USP39: variants seen among roughly 807,000 people sequenced by gnomAD.
USP39 encodes the protein ubiquitin carboxyl-terminal hydrolase 39.
A neutral mutation model predicts 66.4 loss-of-function variants in USP39; 38 were observed. The ratio of observed to expected loss-of-function variants is 0.57; its 90% CI spans 0.44 to 0.75. The LOEUF (loss-of-function observed/expected upper bound fraction) is 0.75. Ranked by LOEUF, USP39 falls within the 30% of genes least tolerant of loss-of-function variation. USP39 has a pLI of 0.00. For missense variants in USP39, 608 were observed against 714.4 expected (o/e 0.85, Z 1.70); for synonymous variants, 303 against 274.6 (o/e 1.10, Z -1.02).
chr2:85,611,538 G>A (rs766784204), upstream of USP39: 47 of 1,550,934 alleles, frequency 3.0e-5, no homozygotes, highest in South Asian at 5.0e-4. Context: ...GGAGCGCTGA[G>A]GTGGAGGTTC....
chr2:85,616,114 C>T (rs887507014), upstream of USP39: 7 of 1,373,604 alleles, frequency 5.1e-6, 1 homozygote, highest in South Asian at 1.3e-4. Flanking sequence ...GGGCTCGCTA[C>T]CAGCCCCTCT....
chr2:85,633,578 T>C lies in USP39; in HGVS notation c.950-2475T>C, dbSNP rs1017269091. On this transcript the variant is annotated intron_variant, in intron 6 of 12. Transcript: ENST00000323701. ...TGAGCCCAGGAGTTAGAGACCATCC[T>C]GCGTGACATAGACCCTATATCTACA... 2.0e-5 allele frequency among the ~76,000 whole-genome samples: 3 copies of C among 152,104 alleles called. No individual in the cohort carries two copies. In the East Asian group the frequency reaches 5.8e-4, roughly 29 times the overall value.
upstream of USP39, chr2:85,609,190 T>C (rs930300552): frequency 2.9e-6 from 4 of 1,376,642 alleles, no homozygotes; most frequent in African/African-American, 1.4e-5. Flanking sequence ...CACCTGTCAT[T>C]TCCTATGTGT....
intron 9 of USP39, chr2:85,639,822 C>G (rs913656545): frequency 6.5e-6 from 1 of 153,754 alleles, no homozygotes; most frequent in Non-Finnish European, 1.4e-5. Flanking sequence ...TTTATTGAGC[C>G]TCCCAGACTC....
At chr2:85,637,788 C>T (rs576394016) in intron 8 of USP39, among the ~76,000 whole-genome samples, 49 of 152,256 alleles carry the variant, frequency 3.2e-4, no homozygotes, top group Non-Finnish European at 6.9e-4. Flanking sequence ...CCTCTACCTC[C>T]TGGGTTCAAG....
At chr2:85,609,116 A>T, upstream of USP39, 2 of 1,604,922 alleles carry the variant, frequency 1.2e-6, no homozygotes. Context: ...TCTTCCAGAA[A>T]GGTGACCTGC....
At chr2:85,641,234 C>T (rs1573445294) in intron 10 of USP39, 116 bp downstream of exon 10, 4 of 1,277,150 alleles carry the variant, frequency 3.1e-6, no homozygotes, top group South Asian at 1.3e-5. Flanking sequence ...GGAACAGAGC[C>T]TACCTACAGT....
intron 5 of USP39, among the ~76,000 whole-genome samples, chr2:85,625,966 C>A (rs1244016286): frequency 6.6e-6 from 1 of 151,754 alleles, no homozygotes; most frequent in African/African-American, 2.4e-5. Flanking sequence ...TATAGTGACC[C>A]GAGATCGCGC....
At position 85,616,380 on chromosome 2, in the gene USP39, C is replaced by G. The variant is rs745785307; in HGVS notation, c.185C>G (p.Ala62Gly). 6.2e-7 allele frequency: 1 copy of G among 1,601,800 alleles called. No individual in the cohort carries two copies. Among genetic ancestry groups the G allele is most frequent in the Non-Finnish European group, 8.5e-7 (1 of 1,174,508 alleles). Reference protein sequence around the residue: ...REFEPASAREAPASVVPFVRV... With the variant: ...REFEPASAREGPASVVPFVRV... Reference sequence around the variant, plus strand: ...TTCGAGCCGGCGAGCGCGCGCGAGGCCCCGGCTTCTGTTGTCCCGTTTGTG... The same window carrying G: ...TTCGAGCCGGCGAGCGCGCGCGAGGGCCCGGCTTCTGTTGTCCCGTTTGTG... The change falls in exon 1 of 13, where the codon GCC (alanine) becomes GGC (glycine). Residue 62 changes from alanine (A) to glycine (G), a missense_variant. Ala to Gly is a moderately conservative substitution (Grantham distance 60). Transcript: ENST00000323701.
chr2:85,637,424 C>G lies in USP39; in HGVS notation c.1083C>G (p.Pro361=). 3.7e-6 allele frequency: 6 copies of G among 1,614,154 alleles called. No homozygotes were observed. Among genetic ancestry groups the G allele is most frequent in the Non-Finnish European group, 5.1e-6 (6 of 1,180,030 alleles). The part of the protein sequence containing the change: ...GSMRIFTKKL[P]HPDLPAEEKE... ...TGAGGATCTTCACTAAAAAGCTTCC[C>G]CATCCTGATCTGGTGAGTTAATTGA... Residue 361 remains proline (P), a synonymous_variant, in exon 8 of 13, where the codon CCC becomes CCG. Transcript: ENST00000323701.
At chr2:85,619,348 T>C in intron 2 of USP39, 59 bp downstream of exon 2, 2 of 1,568,992 alleles carry the variant, frequency 1.3e-6, no homozygotes, top group Non-Finnish European at 1.7e-6. Context: ...TGCAGAAAGT[T>C]TTTGGACTGT....
chr2:85,611,859 G>GC, upstream of USP39: 1 of 1,599,046 alleles, frequency 6.3e-7, no homozygotes, highest in Non-Finnish European at 8.5e-7. Context: ...GGCGGCGGCG[G>GC]CGCAGGGCGG....
At chr2:85,628,901 G>A (rs1675090717) in intron 5 of USP39, among the ~76,000 whole-genome samples, 1 of 152,062 alleles carries the variant, frequency 6.6e-6, no homozygotes, top group South Asian at 2.1e-4. Context: ...GAGGTGCCTG[G>A]GTTATTACAT....
upstream of USP39, among the ~76,000 whole-genome samples, chr2:85,615,703 T>C (rs1308568776): frequency 1.3e-5 from 2 of 152,206 alleles, no homozygotes; most frequent in African/African-American, 4.8e-5. Flanking sequence ...CGATCTCGGC[T>C]CACCGCAACC....
chr2:85,617,958 CTT>C (rs34086230), intron 1 of USP39, among the ~76,000 whole-genome samples: 6 of 144,418 alleles, frequency 4.2e-5, no homozygotes, highest in African/African-American at 5.1e-5. Flanking sequence ...CATGTACATT[CTT>C]TTTTTTTTTT....
At chr2:85,609,290 A>T (rs1673351779), upstream of USP39, 1 of 1,324,792 alleles carries the variant, frequency 7.5e-7, no homozygotes, top group African/African-American at 1.5e-5. Flanking sequence ...AGTTGTGCTC[A>T]AAAGCACTGC....
In USP39 at chr2:85,649,217, C is replaced by T. The variant is rs1676881778; in HGVS notation, c.*409C>T. ...GCTCTGTTAGAGGTGGAGGATTTTCCTATGGTTCCCCCCATTTCCTGATTT... is the reference window on the plus strand; with the variant it reads ...GCTCTGTTAGAGGTGGAGGATTTTCTTATGGTTCCCCCCATTTCCTGATTT... On this transcript the variant is annotated 3_prime_UTR_variant, in exon 13 of 13. Coordinates refer to ENST00000323701, the MANE Select transcript of USP39 (RefSeq NM_006590.4). 6.1e-6 allele frequency: 1 copy of T among 164,406 alleles called. No individual in the cohort carries two copies. The highest frequency in any genetic ancestry group is 1.3e-5 in the Non-Finnish European group (1 of 76,384). 10.2% of individuals were successfully genotyped at this position (164,406 alleles called of 1,614,324 possible).
chr2:85,603,595 CTTTTTT>C (rs767019412), intron 1 of USP39, among the ~76,000 whole-genome samples: 9 of 143,096 alleles, frequency 6.3e-5, no homozygotes, highest in Non-Finnish European at 1.1e-4. Context: ...TTTTCTTTTT[CTTTTTT>C]TTTTTTTTGA....
intron 1 of USP39, among the ~76,000 whole-genome samples, 157 bp from the exon 2 acceptor site, chr2:85,619,063 G>A (rs542107491): frequency 3.3e-4 from 50 of 152,160 alleles, no homozygotes; most frequent in African/African-American, 1.2e-3. Flanking sequence ...GAGCTACCGC[G>A]CCCGGCTAGT....
Sources: allele counts gnomAD v4.1 joint callset (sites outside exome capture counted in the v4.1 genomes callset), GRCh38; gene constraint gnomAD v4.1.1; transcripts MANE v1.5; gene names NCBI Gene and HGNC (gene_info 2026-07-23, HGNC 2026-07-21).